The following CNTNAP2 variants were observed in gnomAD, a reference collection of about 807,000 sequenced individuals.
The protein encoded by CNTNAP2 is contactin associated protein 2, also known as contactin-associated protein-like 2.
A neutral mutation model predicts 155.2 loss-of-function variants in CNTNAP2; 98 were observed. The ratio of observed to expected loss-of-function variants is 0.63; its 90% confidence interval spans 0.54 to 0.75. The LOEUF is 0.75. Ranked by LOEUF, CNTNAP2 falls within the 30% of genes least tolerant of loss-of-function variation. The pLI is 0.00. For missense variants in CNTNAP2, 1,727 were observed against 1,688.1 expected (o/e 1.02, Z -0.40); for synonymous variants, 651 against 631.2 (o/e 1.03, Z -0.47).
intron 1 of CNTNAP2, among the ~76,000 whole-genome samples, chr7:146,755,178 CAT>C (rs1175429735): frequency 6.6e-6 from 1 of 151,906 alleles, no homozygotes; most frequent in Non-Finnish European, 1.5e-5. Flanking sequence ...CTAAAAGACA[CAT>C]GTTTATTCAT....
intron 3 of CNTNAP2, among the ~76,000 whole-genome samples, chr7:147,027,700 G>T (rs1031157861): frequency 6.6e-6 from 1 of 152,150 alleles, no homozygotes; most frequent in South Asian, 2.1e-4. Flanking sequence ...CATTCTAAGA[G>T]CTCTCAGGGG....
chr7:148,107,975 G>T (rs1232157148), intron 15 of CNTNAP2, among the ~76,000 whole-genome samples: 1 of 152,146 alleles, frequency 6.6e-6, no homozygotes, highest in African/African-American at 2.4e-5. Context: ...GCCTGGCAGC[G>T]ACACTCCTCA....
intron 3 of CNTNAP2, among the ~76,000 whole-genome samples, chr7:147,004,212 C>CAAAAAAA (rs71525979): frequency 5.1e-5 from 5 of 97,720 alleles, no homozygotes; most frequent in Non-Finnish European, 8.7e-5. Context: ...ACTCATATAC[C>CAAAAAAA]AAAAAAAAAA....
At chr7:148,282,286 G>GC (rs1796988092) in intron 21 of CNTNAP2, among the ~76,000 whole-genome samples, 3 of 152,184 alleles carry the variant, frequency 2.0e-5, no homozygotes, top group African/African-American at 7.2e-5. Flanking sequence ...CTTGTCATAA[G>GC]TGTAGGCTGG....
chr7:147,925,220 G>C (rs1800370668), intron 14 of CNTNAP2, among the ~76,000 whole-genome samples: 1 of 137,402 alleles, frequency 7.3e-6, no homozygotes, highest in Admixed American at 7.3e-5. Context: ...AGAAGGAGCA[G>C]TTTTAGGTTC....
chr7:146,242,597 C>A (rs187464105), intron 1 of CNTNAP2, among the ~76,000 whole-genome samples: 1 of 151,674 alleles, frequency 6.6e-6, no homozygotes, highest in Non-Finnish European at 1.5e-5. Context: ...CATGGATACC[C>A]AAATAGAGTA....
chr7:146,643,967 G>A (rs1799761887), intron 1 of CNTNAP2, among the ~76,000 whole-genome samples: 1 of 152,152 alleles, frequency 6.6e-6, no homozygotes, highest in African/African-American at 2.4e-5. Context: ...CTGTTGGTCT[G>A]TTATTGGTGT....
Position 147,518,608 on chromosome 7 carries a change from T to C in CNTNAP2, c.1777+32567T>C, listed in dbSNP as rs374632340. Among the ~76,000 whole-genome samples the C allele has an allele frequency of 3.3e-5, 5 of 152,380 alleles. No homozygotes were observed. The East Asian group carries it at 7.7e-4, about 24-fold the overall frequency. On this transcript the variant is annotated intron_variant, in intron 11 of 23. Transcript: ENST00000361727. ...GATCATGTGTTCTCTCAAGTATTTT[T>C]ATAGATTTCAGAAACACTGAAATAA... is the stretch of plus-strand genomic sequence containing the variant.
chr7:147,723,655 A>G (rs1796600259), intron 13 of CNTNAP2, among the ~76,000 whole-genome samples: 1 of 151,940 alleles, frequency 6.6e-6, no homozygotes, highest in African/African-American at 2.4e-5. Context: ...TGCTAATAGT[A>G]ACCATCTTTC....
chr7:146,127,242 A>G (rs1334464985), intron 1 of CNTNAP2, among the ~76,000 whole-genome samples: 2 of 152,138 alleles, frequency 1.3e-5, no homozygotes, highest in African/African-American at 4.8e-5. Flanking sequence ...GAGGAAACTC[A>G]TTTACGGTCC....
At chr7:147,275,454 T>C (rs1276886427) in intron 8 of CNTNAP2, among the ~76,000 whole-genome samples, 3 of 151,686 alleles carry the variant, frequency 2.0e-5, no homozygotes, top group Non-Finnish European at 4.4e-5. Context: ...GTAAGTGAAA[T>C]TGAGTTCTTG....
At chr7:147,362,496 T>C (rs748188695) in intron 9 of CNTNAP2, among the ~76,000 whole-genome samples, 1 of 152,192 alleles carries the variant, frequency 6.6e-6, no homozygotes, top group Non-Finnish European at 1.5e-5. Flanking sequence ...TCCACCATGA[T>C]CTGTCAGTCA....
Position 146,167,123 on chromosome 7 carries a change from C to G in CNTNAP2, c.97+50150C>G, listed in dbSNP as rs940088841. Among the ~76,000 whole-genome samples the G allele has an allele frequency of 2.0e-5, 3 of 152,200 alleles. No individual in the cohort carries two copies. The East Asian group carries it at 5.8e-4, about 29-fold the overall frequency. ...CAAAGAGAAAGAACTTTGTAGAAGT[C>G]TTACTACCAACCAACAAGTACTTTT... On this transcript the variant is annotated intron_variant, in intron 1 of 23. Transcript: ENST00000361727.
At chr7:148,260,519 C>A (rs1796539598) in intron 20 of CNTNAP2, among the ~76,000 whole-genome samples, 1 of 152,198 alleles carries the variant, frequency 6.6e-6, no homozygotes, top group African/African-American at 2.4e-5. Context: ...TGCAGTTGGA[C>A]AAAGTTGGGT....
rs571305960 is a variant in CNTNAP2 at position 148,122,546 on chromosome 7, G to A, written c.2554+4258G>A. Among the ~76,000 whole-genome samples, 63 of 152,282 alleles carry A rather than the reference G, an allele frequency of 4.1e-4. 1 individual carries two copies. The highest frequency in any genetic ancestry group is 2.1e-3 in the Admixed American group (32 of 15,298). Reference sequence around the variant, plus strand: ...GGGACAGGTGCAGTGGGGAGGGGCAGGGGCCAGCAATAGCAAGGTGGGCAC... The same window carrying A: ...GGGACAGGTGCAGTGGGGAGGGGCAAGGGCCAGCAATAGCAAGGTGGGCAC... On this transcript the variant is annotated intron_variant, in intron 16 of 23. Coordinates refer to ENST00000361727, the MANE Select transcript of CNTNAP2 (RefSeq NM_014141.6).
intron 1 of CNTNAP2, among the ~76,000 whole-genome samples, chr7:146,663,515 G>A (rs933050708): frequency 1.3e-5 from 2 of 151,532 alleles, no homozygotes; most frequent in Admixed American, 6.6e-5. Flanking sequence ...CCCAAATATC[G>A]GTCTATTATA....
intron 1 of CNTNAP2, among the ~76,000 whole-genome samples, chr7:146,167,469 A>G (rs1392977735): frequency 6.6e-6 from 1 of 152,206 alleles, no homozygotes; most frequent in Non-Finnish European, 1.5e-5. Context: ...ACATTGGCTC[A>G]GGTGAGAAAT....
intron 3 of CNTNAP2, among the ~76,000 whole-genome samples, chr7:146,990,080 TAAAA>T (rs532120864): frequency 4.6e-4 from 69 of 149,986 alleles, no homozygotes; most frequent in Middle Eastern, 6.9e-3. Context: ...AAATAAAAAA[TAAAA>T]AAAAAGGGGT....
rs1340019689 is a variant in CNTNAP2, at chr7:147,486,693, G to T, written c.1777+652G>T. On this transcript the variant is annotated intron_variant, in intron 11 of 23. Coordinates refer to ENST00000361727, the MANE Select transcript of CNTNAP2 (RefSeq NM_014141.6). ...TATATAAATAGCTTTATTCCAAAAGGTTAAATAAAAAATAAATTTCTGTAC... is the reference window on the plus strand; with the variant it reads ...TATATAAATAGCTTTATTCCAAAAGTTTAAATAAAAAATAAATTTCTGTAC... 3.9e-5 allele frequency among the ~76,000 whole-genome samples: 6 copies of T among 152,100 alleles called. No homozygotes were observed. In the East Asian group the frequency reaches 1.2e-3, roughly 29 times the overall value.
Sources: gnomAD v4.1 joint callset for allele counts (sites outside exome capture counted in the v4.1 genomes callset) on GRCh38, gnomAD v4.1.1 for gene constraint, MANE v1.5 for transcripts, NCBI Gene and HGNC (gene_info 2026-07-23, HGNC 2026-07-21) for gene names.